Variants in AKAP13 observed in about 807,000 individuals in gnomAD.
The protein encoded by AKAP13 is A-kinase anchoring protein 13, also known as A-kinase anchor protein 13.
A neutral mutation model predicts 264.5 loss-of-function variants in AKAP13; 80 were observed. The observed-to-expected ratio is 0.30, with a 90% CI of 0.25 to 0.36. The LOEUF (loss-of-function observed/expected upper bound fraction) is 0.36, where lower values mean the gene tolerates loss of function less well. Among genes scored for constraint, AKAP13 ranks in the 10% least tolerant of loss-of-function variants. The pLI is 1.00. For missense variants in AKAP13, 3,712 were observed against 3,435.2 expected, an observed-to-expected ratio of 1.08 and a Z score of -2.01; for synonymous variants, 1,380 against 1,250.2, an observed-to-expected ratio of 1.10 and a Z score of -2.19.
chr15:85,670,927 C>T (rs1310641357), intron 14 of AKAP13: 1 of 151,960 alleles, frequency 6.6e-6, no homozygotes, highest in East Asian at 1.9e-4. Flanking sequence ...TTGTTTGTCA[C>T]AAAAAAGGCA....
rs563632423 is a variant in AKAP13, at chr15:85,415,185, G to T, written c.-12+34387G>T. 1,064 of 1,253,188 alleles carry T rather than the reference G, an allele frequency of 8.5e-4. 4 individuals are homozygous for T. The highest frequency in any genetic ancestry group is 5.3e-3 in the Middle Eastern group (20 of 3,802). 77.6% of individuals were successfully genotyped at this position (1,253,188 alleles called of 1,614,324 possible). ...AGATGTGACAGCACGCTGCCACGCC[G>T]ACGCAGACCCCGCTCTGCACGCCAG... On this transcript the variant is annotated intron_variant, in intron 1 of 36. Coordinates refer to ENST00000394518, the MANE Select transcript of AKAP13 (RefSeq NM_007200.5).
intron 6 of AKAP13, chr15:85,577,823 A>G (rs2079065975): frequency 1.3e-5 from 13 of 985,252 alleles, no homozygotes; most frequent in Non-Finnish European, 1.6e-5. Flanking sequence ...TCGATGGTTA[A>G]GTTAGATTGG....
rs1160050565 is a variant in AKAP13 at position 85,458,386 on chromosome 15, G to GTTTTTTTTTTTTTTTTT, written c.-11-27318_-11-27317insTTTTTTTTTTTTTTTTT. 1.4e-4 allele frequency among the ~76,000 whole-genome samples: 15 copies of GTTTTTTTTTTTTTTTTT among 103,924 alleles called. 1 individual carries two copies. Among genetic ancestry groups the GTTTTTTTTTTTTTTTTT allele is most frequent in the African/African-American group, 6.7e-4 (13 of 19,520 alleles). The allele number at this position is 103,924 out of a possible 152,430, so 68.2% of individuals were successfully genotyped here. ...TTTTTTCTCTTTTTTTGTATTTTTTGTTTTTTGTTTTTTTTTTTTTTTACT... is the reference window on the plus strand; with the variant it reads ...TTTTTTCTCTTTTTTTGTATTTTTTGTTTTTTTTTTTTTTTTTTTTTTTGTTTTTTTTTTTTTTTACT... On this transcript the variant is annotated intron_variant, in intron 1 of 36. Coordinates refer to ENST00000394518, the MANE Select transcript of AKAP13 (RefSeq NM_007200.5).
rs185790087 is a variant in AKAP13 at position 85,730,188 on chromosome 15, T to C, written c.7088-325T>C. 2.2e-3 allele frequency among the ~76,000 whole-genome samples: 341 copies of C among 152,256 alleles called. 1 individual carries two copies. Among genetic ancestry groups the C allele is most frequent in the African/African-American group, 7.8e-3 (326 of 41,544 alleles). On this transcript the variant is annotated intron_variant, in intron 29 of 36. Coordinates refer to ENST00000394518, the MANE Select transcript of AKAP13 (RefSeq NM_007200.5). ...ATTGGATTCAGTCATGAAGTTGAGC[T>C]GGGAAAGCAGTTGCAGAGTGGACAG...
rs1334839278 is a variant in AKAP13, at chr15:85,579,193, C to T, written c.1125C>T (p.Gly375=). The stretch of plus-strand genomic sequence containing the variant: ...GTTCCTGTAGGAAGAAAAATAAAGG[C>T]GTGGAAAGAAAAGGGGAAGAGGTGG... ...TDRSCRKKNK[G]VERKGEEVEP... is the part of the protein sequence containing the mutation. Residue 375 remains glycine, a synonymous_variant, in exon 7 of 37, where the codon GGC becomes GGT. Transcript: ENST00000394518. 1.3e-5 allele frequency: 21 copies of T among 1,614,032 alleles called. No homozygotes were observed. Among genetic ancestry groups the T allele is most frequent in the African/African-American group, 8.0e-5 (6 of 74,988 alleles).
intron 8 of AKAP13, among the ~76,000 whole-genome samples, chr15:85,618,623 G>GT (rs932214524): frequency 1.3e-5 from 2 of 152,148 alleles, no homozygotes; most frequent in African/African-American, 4.8e-5. Flanking sequence ...GTTAGATAGA[G>GT]TGGGGGGCTA....
At chr15:85,674,749 A>G (rs867519561) in intron 14 of AKAP13, among the ~76,000 whole-genome samples, 3 of 152,166 alleles carry the variant, frequency 2.0e-5, no homozygotes, top group African/African-American at 7.2e-5. Context: ...GTTAGGCATC[A>G]GTGCTATTGA....
intron 2 of AKAP13, among the ~76,000 whole-genome samples, chr15:85,514,813 A>G (rs2076550774): frequency 7.7e-6 from 1 of 129,648 alleles, no homozygotes; most frequent in Non-Finnish European, 1.6e-5. Context: ...ATGTGAATAC[A>G]AGCAGTGTTG....
chr15:85,525,989 C>A (rs774384444), intron 3 of AKAP13, among the ~76,000 whole-genome samples: 8 of 152,108 alleles, frequency 5.3e-5, no homozygotes, highest in Admixed American at 1.3e-4. Context: ...TTCAGCATGT[C>A]TGTTATTTAT....
chr15:85,476,125 G>A (rs914700985), intron 1 of AKAP13, among the ~76,000 whole-genome samples: 5 of 152,190 alleles, frequency 3.3e-5, no homozygotes, highest in Admixed American at 3.3e-4. Context: ...ATGAACATGA[G>A]CAAAGACTTG....
Position 85,744,258 on chromosome 15 carries a change from G to A in AKAP13, c.8393-370G>A, listed in dbSNP as rs573435877. The A allele has an allele frequency of 1.3e-4, 38 of 298,728 alleles. 1 individual carries two copies. Among genetic ancestry groups the A allele is most frequent in the African/African-American group, 6.7e-4 (30 of 44,604 alleles). The allele number at this position is 298,728 out of a possible 1,614,324, so 18.5% of individuals were successfully genotyped here. On this transcript the variant is annotated intron_variant, in intron 36 of 36. Transcript: ENST00000394518. ...CACAGAGGCTAACTAATGTGCCAGC[G>A]GCCACAGAGCCTGCGGCTGAATTCC... is the stretch of plus-strand genomic sequence containing the variant.
rs191320838 is a variant in AKAP13, at chr15:85,643,220, T to C, written c.4238-2598T>C. 8.9e-4 allele frequency among the ~76,000 whole-genome samples: 135 copies of C among 151,392 alleles called. 1 individual carries two copies. In the South Asian group the frequency reaches 0.017, roughly 19 times the overall value. ...TGGCATTTTTTTTTTTTGTAATTCT[T>C]TGTTGAAATTGTCTTCTAATATGTT... On this transcript the variant is annotated intron_variant, in intron 9 of 36. Coordinates refer to ENST00000394518, the MANE Select transcript of AKAP13 (RefSeq NM_007200.5).
At chr15:85,461,989 A>G (rs1596256559) in intron 1 of AKAP13, among the ~76,000 whole-genome samples, 1 of 152,192 alleles carries the variant, frequency 6.6e-6, no homozygotes, top group East Asian at 1.9e-4. Context: ...TCTTATATGA[A>G]TACCAGATTC....
intron 1 of AKAP13, among the ~76,000 whole-genome samples, chr15:85,396,590 G>A (rs539464972): frequency 1.3e-5 from 2 of 152,124 alleles, no homozygotes; most frequent in Non-Finnish European, 2.9e-5. Context: ...AAGTCACTAC[G>A]AACTATTCTT....
chr15:85,574,222 A>G (rs1009583606), intron 5 of AKAP13, among the ~76,000 whole-genome samples: 7 of 152,240 alleles, frequency 4.6e-5, no homozygotes, highest in Admixed American at 1.3e-4. Context: ...ATAGTTAATA[A>G]TATGAGATTG....
At chr15:85,504,741 A>C (rs1034320406) in intron 2 of AKAP13, among the ~76,000 whole-genome samples, 3 of 151,904 alleles carry the variant, frequency 2.0e-5, no homozygotes, top group African/African-American at 7.3e-5. Context: ...ATTTTAGCCA[A>C]ATATATGGTT....
chr15:85,562,574 A>AAAATAT (rs1351834745), intron 5 of AKAP13, among the ~76,000 whole-genome samples: 13 of 77,664 alleles, frequency 1.7e-4, no homozygotes, highest in South Asian at 1.5e-3. Context: ...CAAAAAAAAA[A>AAAATAT]ATATATATAT....
intron 33 of AKAP13, 52 bp from the exon 34 acceptor site, chr15:85,740,170 C>G (rs1299246540): frequency 8.1e-6 from 13 of 1,595,750 alleles, no homozygotes; most frequent in Non-Finnish European, 1.0e-5. Context: ...GTGATGGATT[C>G]TGAGATTCAT....
At position 85,543,845 on chromosome 15, in the gene AKAP13, G is replaced by T. The variant is rs775361535; in HGVS notation, c.552G>T (p.Leu184Phe). The T allele has an allele frequency of 1.9e-5, 30 of 1,614,122 alleles. No individual in the cohort carries two copies. In the South Asian group the frequency reaches 2.7e-4, roughly 15 times the overall value. The change falls in exon 5 of 37, where the codon TTG becomes TTT. Residue 184 changes from leucine (L) to phenylalanine (F), a missense_variant. By Grantham distance (22) the Leu-to-Phe change is conservative. Around this residue, in one of 3 missense-constraint regions of AKAP13, gnomAD observed 2,759 missense variants for 2,411.7 expected, o/e 1.14. Coordinates refer to ENST00000394518, the MANE Select transcript of AKAP13 (RefSeq NM_007200.5). ...TGCTGAGGTTGACGTGGTTCCTGTT[G>T]CAGAAGCCAGGTGGCCGCGGAGCTC... ...LGLLRLTWFL[L>F]QKPGGRGALS... is the part of the protein sequence containing the mutation.
Sources: allele counts gnomAD v4.1 joint callset (sites outside exome capture counted in the v4.1 genomes callset), GRCh38; gene constraint gnomAD v4.1.1; regional missense constraint gnomAD v4.1.1; transcripts MANE v1.5; gene names NCBI Gene and HGNC (gene_info 2026-07-23, HGNC 2026-07-21).